The following APLF variants were observed in gnomAD, a reference collection of about 807,000 sequenced individuals.
APLF encodes the protein aprataxin and PNKP like factor.
Under a neutral mutation model 55.6 loss-of-function variants are expected in APLF, and 61 were observed. That is an observed-to-expected ratio of 1.10 (90% confidence interval 0.89 to 1.36). APLF has a LOEUF of 1.36. Ranked by LOEUF, APLF falls within the 40% of genes most tolerant of loss-of-function variation. APLF has a pLI of 0.00. For synonymous variants in APLF, 207 were observed against 214.8 expected, an observed-to-expected ratio of 0.96 and a Z score of 0.32; for missense variants, 611 against 602.5, an observed-to-expected ratio of 1.01 and a Z score of -0.15.
At position 68,554,638 on chromosome 2, in the gene APLF, GT is replaced by G. The variant is rs773690422; in HGVS notation, c.1286+9340del. Among the ~76,000 whole-genome samples the G allele has an allele frequency of 2.1e-3, 290 of 139,116 alleles. 1 individual carries two copies. Among genetic ancestry groups the G allele is most frequent in the South Asian group, 5.3e-3 (23 of 4,368 alleles). 91.3% of individuals were successfully genotyped at this position (139,116 alleles called of 152,430 possible). On this transcript the variant is annotated intron_variant, in intron 8 of 9. Transcript: ENST00000303795. ...CCTCCTTGGTTAGGTATATTCCTAA[GT>G]TTTTTTTTTTTTTGCAGCCATTATA...
Position 68,529,483 on chromosome 2 carries a change from A to G in APLF, c.804+3241A>G, listed in dbSNP as rs1670183324. ...TGTCCATTTTGAGCGAGTTGTGCAC[A>G]GACGAAACTAAGGGTCAGAAGCGGA... On this transcript the variant is annotated intron_variant, in intron 6 of 9. Coordinates refer to ENST00000303795, the MANE Select transcript of APLF (RefSeq NM_173545.3). The surrounding 1 kb of genome is among the most constrained non-coding windows in gnomAD (Gnocchi z 4.4). 1 of 1,077,008 alleles carries G rather than the reference A, an allele frequency of 9.3e-7. No individual in the cohort carries two copies. The highest frequency in any genetic ancestry group is 1.1e-6 in the Non-Finnish European group (1 of 886,326). The allele number at this position is 1,077,008 out of a possible 1,614,324, so 66.7% of individuals were successfully genotyped here. A position where few individuals can be genotyped will look rare whatever the true frequency, so the allele number is the denominator to read the frequency against.
At chr2:68,493,394 A>T (rs1480713360) in intron 2 of APLF, among the ~76,000 whole-genome samples, 1 of 152,226 alleles carries the variant, frequency 6.6e-6, no homozygotes, top group Non-Finnish European at 1.5e-5. Context: ...GTGAGAGTCA[A>T]ACTATAAAAC....
intron 9 of APLF, among the ~76,000 whole-genome samples, chr2:68,572,438 A>G (rs1671495518): frequency 6.6e-6 from 1 of 152,232 alleles, no homozygotes; most frequent in Admixed American, 6.5e-5. Context: ...AAGATTTAAT[A>G]GAAAGTAAAA....
chr2:68,571,826 G>T (rs1171909867), intron 9 of APLF, among the ~76,000 whole-genome samples: 1 of 151,964 alleles, frequency 6.6e-6, no homozygotes, highest in Non-Finnish European at 1.5e-5. Flanking sequence ...CAATTCTGAA[G>T]AATTTTATTC....
intron 6 of APLF, 116 bp downstream of exon 6, chr2:68,526,358 G>A: frequency 1.4e-6 from 2 of 1,422,664 alleles, no homozygotes; most frequent in South Asian, 2.4e-5. Flanking sequence ...AGTTTATGAA[G>A]ACAAAACTAG....
intron 2 of APLF, among the ~76,000 whole-genome samples, chr2:68,498,879 G>A (rs565989941): frequency 1.4e-4 from 21 of 152,162 alleles, no homozygotes; most frequent in Admixed American, 2.6e-4. Flanking sequence ...CAAAATATAC[G>A]TCTTTGGGTG....
rs1669488843 is a variant in APLF, at chr2:68,513,813, A to AC, written c.622+133_622+134insC. The AC allele has an allele frequency of 1.2e-5, 12 of 983,356 alleles. No homozygotes were observed. In the African/African-American group the frequency reaches 1.4e-4, roughly 11 times the overall value. 60.9% of individuals were successfully genotyped at this position (983,356 alleles called of 1,614,324 possible). A position where few individuals can be genotyped will look rare whatever the true frequency, so the allele number is the denominator to read the frequency against. ...GTTGTGTAAGTGTATAGCCTAGCCTAGTTTTTTTAGTTGTGAACATGAAGT... is the reference window on the plus strand; with the variant it reads ...GTTGTGTAAGTGTATAGCCTAGCCTACGTTTTTTTAGTTGTGAACATGAAGT... On this transcript the variant is annotated intron_variant, in intron 5 of 9. Transcript: ENST00000303795.
Position 68,530,307 on chromosome 2 carries a change from G to A in APLF, c.804+4065G>A, listed in dbSNP as rs1309839432. Among the ~76,000 whole-genome samples the A allele has an allele frequency of 1.2e-4, 18 of 152,282 alleles. No individual in the cohort carries two copies. The East Asian group carries it at 2.3e-3, about 20-fold the overall frequency. ...TCTGTAATAAGCACATGCACACCTC[G>A]AAGGAGGTCTTCACTTCAACATACA... On this transcript the variant is annotated intron_variant, in intron 6 of 9. Coordinates refer to ENST00000303795, the MANE Select transcript of APLF (RefSeq NM_173545.3).
intron 5 of APLF, among the ~76,000 whole-genome samples, chr2:68,516,431 C>G (rs79487071): frequency 6.6e-6 from 1 of 150,920 alleles, no homozygotes; most frequent in African/African-American, 2.4e-5. Flanking sequence ...ATTATCATCA[C>G]TATTATATAT....
intron 5 of APLF, among the ~76,000 whole-genome samples, chr2:68,519,238 T>C (rs1049050519): frequency 7.1e-6 from 1 of 140,034 alleles, no homozygotes; most frequent in Admixed American, 7.6e-5. Flanking sequence ...TAATATATTA[T>C]ATATTATATA....
At chr2:68,506,478 G>A (rs1676875762) in intron 3 of APLF, among the ~76,000 whole-genome samples, 1 of 151,862 alleles carries the variant, frequency 6.6e-6, no homozygotes, top group Non-Finnish European at 1.5e-5. Context: ...GCTCTGTTTT[G>A]CAGGGTCAAC....
chr2:68,571,720 G>A (rs1015160961), intron 9 of APLF, among the ~76,000 whole-genome samples: 6 of 152,152 alleles, frequency 3.9e-5, no homozygotes, highest in African/African-American at 1.4e-4. Context: ...TTGAAGTCAG[G>A]TAGCGTGATG....
chr2:68,568,182 G>A (rs977479300), intron 9 of APLF: 42 of 721,710 alleles, frequency 5.8e-5, no homozygotes, highest in Non-Finnish European at 6.3e-5. Context: ...CTTCTAAACT[G>A]TATTTTTCTT....
intron 1 of APLF, among the ~76,000 whole-genome samples, chr2:68,476,476 CAAAAAAAAAA>C: frequency 1.3e-5 from 1 of 76,492 alleles, no homozygotes; most frequent in Non-Finnish European, 2.8e-5. Context: ...GAGTGAGACT[CAAAAAAAAAA>C]AAAAAAAAAA....
At position 68,524,900 on chromosome 2, in the gene APLF, G is replaced by A. The variant is rs193156001; in HGVS notation, c.623-1161G>A. Among the ~76,000 whole-genome samples, 21 of 152,300 alleles carry A rather than the reference G, an allele frequency of 1.4e-4. No individual in the cohort carries two copies. In the East Asian group the frequency reaches 3.9e-3, roughly 28 times the overall value. On this transcript the variant is annotated intron_variant, in intron 5 of 9. Coordinates refer to ENST00000303795, the MANE Select transcript of APLF (RefSeq NM_173545.3). ...ATGAATTTGTTAACAAAATATGATA[G>A]TGTCTTAGGTTTGCCAACTGCATTA... is the stretch of plus-strand genomic sequence containing the variant.
At chr2:68,508,285 T>C (rs928536564) in intron 3 of APLF, among the ~76,000 whole-genome samples, 11 of 151,928 alleles carry the variant, frequency 7.2e-5, no homozygotes, top group African/African-American at 2.4e-4. Flanking sequence ...GGAAATAGAA[T>C]TGAGGGTCCA....
chr2:68,528,455 G>C (rs1296865132), intron 6 of APLF: 1 of 1,534,006 alleles, frequency 6.5e-7, no homozygotes, highest in African/African-American at 1.4e-5. Context: ...CAGGGGAGGG[G>C]TTGGTTGCAG....
Position 68,513,680 on chromosome 2 carries a change from G to A in APLF, c.622G>A (p.Gly208Ser). 1 of 1,609,670 alleles carries A rather than the reference G, an allele frequency of 6.2e-7. No homozygotes were observed. Among genetic ancestry groups the A allele is most frequent in the Non-Finnish European group, 8.5e-7 (1 of 1,177,464 alleles). The change falls in exon 5 of 10, where the codon GGT (glycine) becomes AGT (serine). Residue 208 changes from glycine (G) to serine (S), a missense_variant and splice_region_variant. Coordinates refer to ENST00000303795, the MANE Select transcript of APLF (RefSeq NM_173545.3). ...QNLSVPAISG[G>S]NVIQGSGKEE... is the part of the protein sequence containing the mutation. The stretch of plus-strand genomic sequence containing the variant: ...CCTTTCAGTACCAGCAATCAGTGGA[G>A]GTAGGTTTTTGTTTCTACTAATGCT...
chr2:68,513,264 T>C, intron 4 of APLF, 37 bp downstream of exon 4: 1 of 1,562,870 alleles, frequency 6.4e-7, no homozygotes, highest in Non-Finnish European at 8.6e-7. Context: ...TATAACATGT[T>C]CTTCAAGTTA....
Sources: allele counts gnomAD v4.1 joint callset (sites outside exome capture counted in the v4.1 genomes callset), GRCh38; gene constraint gnomAD v4.1.1; non-coding constraint Gnocchi (gnomAD v3.1); transcripts MANE v1.5; gene names NCBI Gene and HGNC (gene_info 2026-07-23, HGNC 2026-07-21).